Variants in CNTLN observed in about 807,000 individuals in gnomAD.
The protein encoded by CNTLN is centlein.
A neutral mutation model predicts 180.0 loss-of-function variants in CNTLN; 212 were observed. The ratio of observed to expected loss-of-function variants is 1.18; its 90% CI spans 1.05 to 1.32. The LOEUF is 1.32. Ranked by LOEUF, CNTLN falls within the 40% of genes most tolerant of loss-of-function variation. CNTLN has a pLI of 0.00. For missense variants in CNTLN, 2,095 were observed against 1,610.9 expected (o/e 1.30, Z -5.14); for synonymous variants, 722 against 563.1 (o/e 1.28, Z -3.99).
chr9:17,313,758 A>T (rs537891077), intron 8 of CNTLN, among the ~76,000 whole-genome samples: 12 of 152,220 alleles, frequency 7.9e-5, no homozygotes, highest in African/African-American at 2.6e-4. Flanking sequence ...CCCTTATGTT[A>T]GATTTTTCAG....
intron 1 of CNTLN, among the ~76,000 whole-genome samples, chr9:17,137,613 C>T (rs1289920125): frequency 1.3e-5 from 2 of 152,086 alleles, no homozygotes; most frequent in Admixed American, 6.6e-5. Flanking sequence ...AAAATGCTGT[C>T]CAGATCTAAA....
At chr9:17,191,376 A>G (rs1340952994) in intron 2 of CNTLN, among the ~76,000 whole-genome samples, 1 of 152,218 alleles carries the variant, frequency 6.6e-6, no homozygotes, top group East Asian at 1.9e-4. Flanking sequence ...GCAGTGTCCA[A>G]TAGATGTCAA....
At chr9:17,439,453 A>G (rs1829980139) in intron 18 of CNTLN, among the ~76,000 whole-genome samples, 1 of 152,188 alleles carries the variant, frequency 6.6e-6, no homozygotes, top group Non-Finnish European at 1.5e-5. Flanking sequence ...TCTAAAAACT[A>G]ATGGGTCAAA....
chr9:17,146,716 T>C (rs886708750), intron 2 of CNTLN, among the ~76,000 whole-genome samples: 2 of 152,200 alleles, frequency 1.3e-5, no homozygotes, highest in African/African-American at 2.4e-5. Context: ...TATTTTGTTA[T>C]AGCAGCCCAA....
At chr9:17,409,504 C>G (rs1827677388) in intron 16 of CNTLN, 31 bp downstream of exon 16, 1 of 1,486,054 alleles carries the variant, frequency 6.7e-7, no homozygotes, top group Non-Finnish European at 9.1e-7. Context: ...TAATTGTATG[C>G]TATGTTTTAA....
intron 7 of CNTLN, among the ~76,000 whole-genome samples, chr9:17,306,146 A>ATTTTTTTTTTTTTTTTTTTT (rs572150057): frequency 2.3e-5 from 3 of 128,008 alleles, no homozygotes; most frequent in Non-Finnish European, 3.3e-5. Flanking sequence ...TTAGTCGTCT[A>ATTTTTTTTTTTTTTTTTTTT]TTTTTTTTTT....
chr9:17,152,288 G>T (rs138913970), intron 2 of CNTLN, among the ~76,000 whole-genome samples: 6,956 of 152,136 alleles, frequency 0.046, 201 homozygotes, highest in East Asian at 0.17. Context: ...GCTTTGTCTT[G>T]TGGGCATTTA....
chr9:17,201,271 TA>T (rs1407161348), intron 2 of CNTLN, among the ~76,000 whole-genome samples: 1 of 152,158 alleles, frequency 6.6e-6, no homozygotes, highest in African/African-American at 2.4e-5. Flanking sequence ...TGATGTTCAT[TA>T]AGGACATTGG....
chr9:17,167,500 G>A (rs1248742905), intron 2 of CNTLN: 2 of 152,228 alleles, frequency 1.3e-5, no homozygotes, highest in Admixed American at 1.3e-4. Flanking sequence ...AGGAAGGGAA[G>A]GTGCATAGGC....
At chr9:17,335,664 A>G (rs899931834) in intron 10 of CNTLN, among the ~76,000 whole-genome samples, 2 of 152,026 alleles carry the variant, frequency 1.3e-5, no homozygotes, top group Admixed American at 6.6e-5. Context: ...CTTGCCAGGC[A>G]CGATGGCTCA....
intron 2 of CNTLN, among the ~76,000 whole-genome samples, chr9:17,194,753 A>G (rs1487298731): frequency 6.6e-6 from 1 of 152,180 alleles, no homozygotes; most frequent in Non-Finnish European, 1.5e-5. Context: ...TACTGGTACC[A>G]ATATACTATA....
At chr9:17,370,892 T>G (rs1587807418) in intron 13 of CNTLN, among the ~76,000 whole-genome samples, 1 of 152,160 alleles carries the variant, frequency 6.6e-6, no homozygotes, top group African/African-American at 2.4e-5. Context: ...AAGATAGTTA[T>G]ATCCCATATA....
chr9:17,441,318 T>G (rs1280058324), intron 18 of CNTLN, among the ~76,000 whole-genome samples: 1 of 152,140 alleles, frequency 6.6e-6, no homozygotes, highest in African/African-American at 2.4e-5. Context: ...GTAATCACTT[T>G]TTATTCTGGC....
intron 7 of CNTLN, among the ~76,000 whole-genome samples, chr9:17,306,520 G>T (rs1182993721): frequency 6.6e-6 from 1 of 152,164 alleles, no homozygotes; most frequent in Non-Finnish European, 1.5e-5. Flanking sequence ...CTTCTTCCAT[G>T]AATGAATCGG....
At chr9:17,263,203 C>T (rs1216423005) in intron 5 of CNTLN, among the ~76,000 whole-genome samples, 2 of 126,636 alleles carry the variant, frequency 1.6e-5, no homozygotes, top group East Asian at 2.7e-4. Flanking sequence ...TCCCCCCACC[C>T]CACAACAGTC....
chr9:17,196,494 A>G lies in CNTLN; in HGVS notation c.450-29709A>G, dbSNP rs150858407. On this transcript the variant is annotated intron_variant, in intron 2 of 25. Transcript: ENST00000380647. ...GTAGGTACTCAAAAATGGCAATGATACTTTAAAAGTTATCTTGAGTGGTCA... is the reference window on the plus strand; with the variant it reads ...GTAGGTACTCAAAAATGGCAATGATGCTTTAAAAGTTATCTTGAGTGGTCA... 4.7e-4 allele frequency among the ~76,000 whole-genome samples: 71 copies of G among 152,236 alleles called. 2 individuals carry two copies. The highest frequency in any genetic ancestry group is 1.6e-3 in the African/African-American group (67 of 41,566).
At chr9:17,481,211 G>A (rs1052381517) in intron 23 of CNTLN, among the ~76,000 whole-genome samples, 3 of 152,194 alleles carry the variant, frequency 2.0e-5, no homozygotes, top group African/African-American at 7.2e-5. Flanking sequence ...CATTTGCTAA[G>A]CACAGCCTAT....
At chr9:17,401,270 G>A (rs1395763712) in intron 15 of CNTLN, among the ~76,000 whole-genome samples, 2 of 152,158 alleles carry the variant, frequency 1.3e-5, no homozygotes, top group African/African-American at 2.4e-5. Context: ...ATACATAGCA[G>A]ACTGTGAAGA....
intron 2 of CNTLN, among the ~76,000 whole-genome samples, chr9:17,184,931 G>T (rs768803742): frequency 3.3e-5 from 5 of 152,108 alleles, no homozygotes; most frequent in Non-Finnish European, 7.4e-5. Flanking sequence ...AGCAAATCTG[G>T]TATTTAAACT....
Sources: gnomAD v4.1 joint callset for allele counts (sites outside exome capture counted in the v4.1 genomes callset) on GRCh38, gnomAD v4.1.1 for gene constraint, MANE v1.5 for transcripts, NCBI Gene and HGNC (gene_info 2026-07-23, HGNC 2026-07-21) for gene names.